Variants in DEUP1 observed in about 807,000 individuals in gnomAD.
DEUP1 encodes the protein coiled-coil domain containing 67.
In DEUP1, 82 loss-of-function variants were observed where a neutral mutation model predicts 87.4. The observed-to-expected ratio is 0.94, with a 90% CI of 0.78 to 1.13. The LOEUF is 1.13. Among genes scored for constraint, DEUP1 ranks in the 50% most tolerant of loss-of-function variants. DEUP1 has a pLI of 0.00. For missense variants in DEUP1, 663 were observed against 681.5 expected (o/e 0.97, Z 0.30); for synonymous variants, 214 against 222.7 (o/e 0.96, Z 0.35).
chr11:93,395,492 G>C, intron 10 of DEUP1, among the ~76,000 whole-genome samples: 1 of 152,198 alleles, frequency 6.6e-6, no homozygotes, highest in East Asian at 1.9e-4. Context: ...AAACAGCACA[G>C]ATGGGATAAT....
chr11:93,349,623 G>A (rs1488329828), intron 2 of DEUP1, among the ~76,000 whole-genome samples: 1 of 151,774 alleles, frequency 6.6e-6, no homozygotes, highest in African/African-American at 2.4e-5. Context: ...GCTAGAATTA[G>A]AAGGGTCTGA....
At chr11:93,431,923 T>C (rs376193192) in intron 13 of DEUP1, among the ~76,000 whole-genome samples, 2 of 152,314 alleles carry the variant, frequency 1.3e-5, no homozygotes, top group South Asian at 4.1e-4. Context: ...GTAATCATGA[T>C]TTCTAGGTTG....
At chr11:93,341,129 T>C (rs988562253) in intron 2 of DEUP1, among the ~76,000 whole-genome samples, 2 of 152,162 alleles carry the variant, frequency 1.3e-5, no homozygotes, top group Admixed American at 6.5e-5. Flanking sequence ...TATGAAGATA[T>C]GGTGTAGGCT....
chr11:93,417,932 A>C lies in DEUP1; in HGVS notation c.1638+2818A>C, dbSNP rs905843233. Among the ~76,000 whole-genome samples, 1,140 of 151,428 alleles carry C rather than the reference A, an allele frequency of 7.5e-3. 14 individuals are homozygous for C. The highest frequency in any genetic ancestry group is 0.027 in the African/African-American group (1,099 of 41,446). ...CCTGAGAAAAACAAGCAATGGGGAA[A>C]GGATTCCCTATTTAATAAATGGTGC... On this transcript the variant is annotated intron_variant, in intron 13 of 13. Coordinates refer to ENST00000298050, the MANE Select transcript of DEUP1 (RefSeq NM_181645.4).
At chr11:93,346,476 C>T (rs2134181433) in intron 2 of DEUP1, among the ~76,000 whole-genome samples, 1 of 152,334 alleles carries the variant, frequency 6.6e-6, no homozygotes. Context: ...ATCTGCCCAC[C>T]TTGGCCTCTC....
intron 2 of DEUP1, among the ~76,000 whole-genome samples, chr11:93,343,401 A>T (rs1944174807): frequency 6.6e-6 from 1 of 152,236 alleles, no homozygotes; most frequent in South Asian, 2.1e-4. Flanking sequence ...ATACATGTGT[A>T]GATCAACATT....
intron 13 of DEUP1, among the ~76,000 whole-genome samples, chr11:93,428,943 T>C (rs1591275061): frequency 1.3e-5 from 2 of 152,168 alleles, no homozygotes; most frequent in Admixed American, 6.6e-5. Context: ...TAAGATCCTA[T>C]TGTGTGGTTT....
At chr11:93,408,537 A>G (rs1947347815) in intron 12 of DEUP1, 110 bp downstream of exon 12, 6 of 701,438 alleles carry the variant, frequency 8.6e-6, no homozygotes, top group Middle Eastern at 4.1e-4. Context: ...GTGGTTTAAA[A>G]TTTATAATGA....
chr11:93,380,640 T>C (rs141703535), intron 7 of DEUP1, among the ~76,000 whole-genome samples: 1,577 of 152,210 alleles, frequency 0.01, 28 homozygotes, highest in African/African-American at 0.037. Context: ...CCTGACCTTG[T>C]GATCCACCCA....
At chr11:93,353,552 T>A (rs1314347735) in intron 2 of DEUP1, among the ~76,000 whole-genome samples, 1 of 152,240 alleles carries the variant, frequency 6.6e-6, no homozygotes, top group Non-Finnish European at 1.5e-5. Flanking sequence ...TGCCCTGCCC[T>A]AGCAGAGGTT....
intron 9 of DEUP1, among the ~76,000 whole-genome samples, chr11:93,389,500 G>A (rs370317551): frequency 6.6e-6 from 1 of 151,998 alleles, no homozygotes; most frequent in Non-Finnish European, 1.5e-5. Context: ...GAAATAATTG[G>A]TACCTACCTC....
chr11:93,332,700 G>A (rs1258472577), intron 2 of DEUP1, among the ~76,000 whole-genome samples: 1 of 152,136 alleles, frequency 6.6e-6, no homozygotes, highest in Non-Finnish European at 1.5e-5. Context: ...GAGAATAGAT[G>A]CAACTCCGTA....
chr11:93,388,901 GT>G (rs1248384752), intron 8 of DEUP1, 118 bp from the exon 9 acceptor site: 1 of 590,244 alleles, frequency 1.7e-6, no homozygotes, highest in Non-Finnish European at 2.9e-6. Flanking sequence ...AACTAAAAAT[GT>G]TTCCAACAAA....
chr11:93,348,080 T>C (rs962183320), intron 2 of DEUP1, among the ~76,000 whole-genome samples: 5 of 152,274 alleles, frequency 3.3e-5, no homozygotes, highest in Middle Eastern at 3.4e-3. Flanking sequence ...TGGGAGGATG[T>C]ATGTGTCCAG....
intron 13 of DEUP1, among the ~76,000 whole-genome samples, chr11:93,435,995 CAA>C (rs34570659): frequency 1.7e-3 from 213 of 126,512 alleles, no homozygotes; most frequent in Admixed American, 2.4e-3. Context: ...GACTCCGTCT[CAA>C]AAAAAAAAAA....
intron 5 of DEUP1, among the ~76,000 whole-genome samples, chr11:93,368,243 T>G: frequency 6.6e-6 from 1 of 150,814 alleles, no homozygotes; most frequent in East Asian, 1.9e-4. Context: ...AGTCACTGTC[T>G]TAGTTAGTTC....
At chr11:93,343,599 G>T (rs972699718) in intron 2 of DEUP1, among the ~76,000 whole-genome samples, 3 of 152,084 alleles carry the variant, frequency 2.0e-5, no homozygotes, top group African/African-American at 7.2e-5. Flanking sequence ...TGGACCAAGG[G>T]GTTACTTAGA....
chr11:93,344,858 T>C (rs781628538), intron 2 of DEUP1, among the ~76,000 whole-genome samples: 2 of 152,080 alleles, frequency 1.3e-5, no homozygotes, highest in Non-Finnish European at 2.9e-5. Context: ...CTTTTTTTTT[T>C]TAACTTTTTT....
At chr11:93,435,867 G>A (rs1323022522) in intron 13 of DEUP1, among the ~76,000 whole-genome samples, 1 of 152,018 alleles carries the variant, frequency 6.6e-6, no homozygotes, top group Non-Finnish European at 1.5e-5. Flanking sequence ...GTGGTGGCGG[G>A]CGCCTGTAGT....
Sources: gnomAD v4.1 joint callset for allele counts (sites outside exome capture counted in the v4.1 genomes callset) on GRCh38, gnomAD v4.1.1 for gene constraint, MANE v1.5 for transcripts, NCBI Gene and HGNC (gene_info 2026-07-23, HGNC 2026-07-21) for gene names.